Variants in TSNARE1 observed in about 807,000 individuals in gnomAD.
TSNARE1 encodes t-SNARE domain containing 1, also known as t-SNARE domain-containing protein 1.
In TSNARE1, 49 loss-of-function variants were observed where a neutral mutation model predicts 62.0. The ratio of observed to expected loss-of-function variants is 0.79; its 90% CI spans 0.63 to 1.00. The LOEUF is 1.00. Among genes scored for constraint, TSNARE1 ranks in the 50% least tolerant of loss-of-function variants. The pLI, the probability that TSNARE1 is intolerant of heterozygous loss-of-function variation, is 0.00. For missense variants in TSNARE1, 755 were observed against 700.1 expected (o/e 1.08, Z -0.88); for synonymous variants, 328 against 294.4 (o/e 1.11, Z -1.17).
chr8:142,349,574 TCTCTGC>T, intron 2 of TSNARE1, among the ~76,000 whole-genome samples: 1 of 152,146 alleles, frequency 6.6e-6, no homozygotes, highest in Non-Finnish European at 1.5e-5. Context: ...AGGGGCCATA[TCTCTGC>T]AGAGACCTGT....
At chr8:142,284,238 CT>C (rs1286556715) in intron 11 of TSNARE1, among the ~76,000 whole-genome samples, 174 bp downstream of exon 11, 2 of 152,196 alleles carry the variant, frequency 1.3e-5, no homozygotes, top group African/African-American at 2.4e-5. Context: ...CGGAGCAGGG[CT>C]GGAGGAAGAC....
chr8:142,233,008 G>A (rs1817202314), intron 12 of TSNARE1, among the ~76,000 whole-genome samples: 1 of 152,170 alleles, frequency 6.6e-6, no homozygotes, highest in African/African-American at 2.4e-5. Flanking sequence ...CCTCACTCCA[G>A]CAGGCACCCA....
At chr8:142,223,524 T>A (rs1171967458) in intron 13 of TSNARE1, among the ~76,000 whole-genome samples, 1 of 146,560 alleles carries the variant, frequency 6.8e-6, no homozygotes, top group East Asian at 2.1e-4. Flanking sequence ...ACTCACTCAC[T>A]CACTCATTCA....
chr8:142,380,290 G>T (rs534904933), intron 1 of TSNARE1, among the ~76,000 whole-genome samples: 22 of 152,302 alleles, frequency 1.4e-4, no homozygotes, highest in Admixed American at 1.2e-3. Flanking sequence ...AGAGCCCGGG[G>T]TCCCACCCAT....
chr8:142,376,464 T>C (rs1320754942), intron 1 of TSNARE1, among the ~76,000 whole-genome samples: 2 of 152,184 alleles, frequency 1.3e-5, no homozygotes, highest in Non-Finnish European at 2.9e-5. Flanking sequence ...CCTTGTCAAA[T>C]GGACCCCTGA....
In TSNARE1 at chr8:142,312,188, T is replaced by A. The variant is rs986141083; in HGVS notation, c.1131+2196A>T. On this transcript the variant is annotated intron_variant, in intron 9 of 13. Transcript: ENST00000524325. ...GTGCGTCAGGTTGGCTCAACAAGTTTCAGATTTTGGAGCATTTTGGATTTT... is the reference window on the plus strand; with the variant it reads ...GTGCGTCAGGTTGGCTCAACAAGTTACAGATTTTGGAGCATTTTGGATTTT... 2.0e-5 allele frequency among the ~76,000 whole-genome samples: 3 copies of A among 152,356 alleles called. No individual in the cohort carries two copies. The South Asian group carries it at 6.2e-4, about 32-fold the overall frequency.
intron 4 of TSNARE1, among the ~76,000 whole-genome samples, chr8:142,337,959 C>G (rs1199650560): frequency 1.3e-5 from 2 of 152,206 alleles, no homozygotes; most frequent in Admixed American, 1.3e-4. Flanking sequence ...TAAGGGAGGT[C>G]CAGAGAGGGC....
At chr8:142,315,680 C>T (rs538156403) in intron 7 of TSNARE1, among the ~76,000 whole-genome samples, 4 of 152,154 alleles carry the variant, frequency 2.6e-5, no homozygotes, top group African/African-American at 4.8e-5. Context: ...CCCTGGGGCC[C>T]GCCTCATTGC....
intron 12 of TSNARE1, chr8:142,271,175 G>T: frequency 1.0e-6 from 1 of 990,216 alleles, no homozygotes. Flanking sequence ...GGAGCCTCCA[G>T]CAGGCCCCTG....
At chr8:142,226,628 A>G (rs1445615995) in intron 13 of TSNARE1, among the ~76,000 whole-genome samples, 1 of 152,132 alleles carries the variant, frequency 6.6e-6, no homozygotes, top group Non-Finnish European at 1.5e-5. Context: ...GCTAAAGAGC[A>G]CTGGCTCTGG....
chr8:142,269,743 G>C, intron 12 of TSNARE1: 1 of 985,398 alleles, frequency 1.0e-6, no homozygotes, highest in Non-Finnish European at 1.2e-6. Context: ...GCTTTCCCAG[G>C]GTGGAACCAT....
intron 1 of TSNARE1, among the ~76,000 whole-genome samples, chr8:142,399,546 A>G (rs1838138747): frequency 6.6e-6 from 1 of 152,218 alleles, no homozygotes; most frequent in Non-Finnish European, 1.5e-5. Context: ...CAGAGAGCAG[A>G]GCCAAACATA....
intron 1 of TSNARE1, among the ~76,000 whole-genome samples, chr8:142,384,153 G>C (rs1434682752): frequency 1.3e-5 from 2 of 152,132 alleles, no homozygotes; most frequent in South Asian, 4.1e-4. Context: ...ACAGACCCAA[G>C]CAGCAGAGTA....
chr8:142,344,944 C>G lies in TSNARE1; in HGVS notation c.239-472G>C, dbSNP rs143059674. On this transcript the variant is annotated intron_variant, in intron 3 of 13. Transcript: ENST00000524325. ...AACTAAGAGCCCTCTGAGCACAGGC[C>G]TCGGCTTCCCTCCCACACTTGGGCC... 1.1e-3 allele frequency among the ~76,000 whole-genome samples: 166 copies of G among 152,328 alleles called. 3 individuals carry two copies. The East Asian group carries it at 0.031, about 29-fold the overall frequency.
At chr8:142,386,612 T>C (rs1053532173) in intron 1 of TSNARE1, among the ~76,000 whole-genome samples, 5 of 152,086 alleles carry the variant, frequency 3.3e-5, no homozygotes, top group African/African-American at 1.2e-4. Flanking sequence ...AAGAGACACA[T>C]TTAAAATAAT....
chr8:142,311,270 C>A (rs12676447), intron 9 of TSNARE1, among the ~76,000 whole-genome samples: 4 of 138,064 alleles, frequency 2.9e-5, no homozygotes, highest in Admixed American at 1.5e-4. Flanking sequence ...TCAAGCGATT[C>A]TCCTGCCTCA....
Position 142,300,873 on chromosome 8 carries a change from C to T in TSNARE1, c.1132-229G>A, listed in dbSNP as rs537457244. ...CTGGGAAAGACCACAGACGTCAGTC[C>T]CCAGTGTCATCAGCCCCCCCGCATC... On this transcript the variant is annotated intron_variant, in intron 9 of 13. Coordinates refer to ENST00000524325, the MANE Select transcript of TSNARE1 (RefSeq NM_145003.5). Among the ~76,000 whole-genome samples, 277 of 152,250 alleles carry T rather than the reference C, an allele frequency of 1.8e-3. 2 individuals are homozygous for T. The highest frequency in any genetic ancestry group is 6.3e-3 in the African/African-American group (262 of 41,522).
chr8:142,238,167 T>C (rs1411683222), intron 12 of TSNARE1, among the ~76,000 whole-genome samples: 2 of 152,034 alleles, frequency 1.3e-5, no homozygotes, highest in African/African-American at 4.8e-5. Flanking sequence ...GAGTGCCGTC[T>C]GTCTCCCTGG....
At chr8:142,261,455 G>C (rs1459745194) in intron 12 of TSNARE1, among the ~76,000 whole-genome samples, 1 of 151,604 alleles carries the variant, frequency 6.6e-6, no homozygotes, top group African/African-American at 2.4e-5. Context: ...CGGGGAGGGA[G>C]AGTGGTGAAC....
Sources: allele counts gnomAD v4.1 joint callset (sites outside exome capture counted in the v4.1 genomes callset), GRCh38; gene constraint gnomAD v4.1.1; transcripts MANE v1.5; gene names NCBI Gene and HGNC (gene_info 2026-07-23, HGNC 2026-07-21).